The following CTNNA3 variants were observed in gnomAD, a reference collection of about 807,000 sequenced individuals.
CTNNA3 encodes the protein catenin alpha-3.
In CTNNA3, 76 loss-of-function variants were observed where a neutral mutation model predicts 95.7. The observed-to-expected ratio is 0.79, with a 90% CI of 0.66 to 0.96. The LOEUF (loss-of-function observed/expected upper bound fraction) is 0.96. Among genes scored for constraint, CTNNA3 ranks in the 40% least tolerant of loss-of-function variants. The probability of loss-of-function intolerance (pLI) is 0.00; values close to 1 mark genes in which losing one functional copy is unlikely to be tolerated. For synonymous variants in CTNNA3, 431 were observed against 374.4 expected, an observed-to-expected ratio of 1.15 and a Z score of -1.74; for missense variants, 1,191 against 1,089.8, an observed-to-expected ratio of 1.09 and a Z score of -1.31.
intron 1 of CTNNA3, among the ~76,000 whole-genome samples, chr10:67,758,619 T>A (rs953922849): frequency 1.3e-5 from 2 of 152,088 alleles, no homozygotes; most frequent in Non-Finnish European, 2.9e-5. Context: ...AAATTGTCCA[T>A]TTCAGTTGCC....
chr10:66,251,882 G>C (rs775440402), intron 13 of CTNNA3, among the ~76,000 whole-genome samples: 1 of 152,170 alleles, frequency 6.6e-6, no homozygotes, highest in African/African-American at 2.4e-5. Flanking sequence ...TTTTGCAAAT[G>C]AGGAAACACT....
chr10:66,765,176 G>A (rs972419736), intron 9 of CTNNA3, among the ~76,000 whole-genome samples: 12 of 152,216 alleles, frequency 7.9e-5, no homozygotes, highest in East Asian at 1.9e-4. Flanking sequence ...AGTTTATAGC[G>A]CAAATGCTAG....
intron 15 of CTNNA3, among the ~76,000 whole-genome samples, chr10:66,011,943 C>T (rs1413959222): frequency 1.3e-5 from 2 of 152,282 alleles, no homozygotes; most frequent in Non-Finnish European, 2.9e-5. Flanking sequence ...GGCTGGGGCC[C>T]TGCTGTCTGC....
intron 13 of CTNNA3, among the ~76,000 whole-genome samples, chr10:66,184,815 C>T (rs138310863): frequency 1.3e-5 from 2 of 152,098 alleles, no homozygotes; most frequent in Non-Finnish European, 2.9e-5. Context: ...CTCTTTATTC[C>T]TACTAATGCA....
chr10:67,682,336 A>T (rs899520060), intron 1 of CTNNA3, among the ~76,000 whole-genome samples: 1 of 152,026 alleles, frequency 6.6e-6, no homozygotes, highest in Non-Finnish European at 1.5e-5. Flanking sequence ...CAAAAAAAAA[A>T]AAAGACTCAA....
rs1034977258 is a variant in CTNNA3 at position 66,640,228 on chromosome 10, T to C, written c.1282-18444A>G. ...GCTCTGGCCATATCTCCTCTTCATATTGGATACATCCATCTTTCAGCTGCT... is the reference window on the plus strand; with the variant it reads ...GCTCTGGCCATATCTCCTCTTCATACTGGATACATCCATCTTTCAGCTGCT... On this transcript the variant is annotated intron_variant, in intron 9 of 17. Coordinates refer to ENST00000433211, the MANE Select transcript of CTNNA3 (RefSeq NM_013266.4). 2.6e-5 allele frequency among the ~76,000 whole-genome samples: 4 copies of C among 152,148 alleles called. 1 individual carries two copies. The highest frequency in any genetic ancestry group is 4.4e-5 in the Non-Finnish European group (3 of 68,024).
At chr10:65,959,834 T>A (rs1165767407) in intron 17 of CTNNA3, among the ~76,000 whole-genome samples, 1 of 152,116 alleles carries the variant, frequency 6.6e-6, no homozygotes, top group African/African-American at 2.4e-5. Flanking sequence ...CTTTATTTGA[T>A]AAAGGATAGC....
At chr10:67,066,813 T>C (rs1010555835) in intron 7 of CTNNA3, among the ~76,000 whole-genome samples, 1 of 152,236 alleles carries the variant, frequency 6.6e-6, no homozygotes, top group Non-Finnish European at 1.5e-5. Flanking sequence ...TAGCTTACCA[T>C]CTAGCAGAAG....
At chr10:66,171,258 C>T (rs535756791) in intron 13 of CTNNA3, among the ~76,000 whole-genome samples, 24 of 150,830 alleles carry the variant, frequency 1.6e-4, no homozygotes, top group Non-Finnish European at 3.0e-4. Flanking sequence ...ACTAACTATG[C>T]TAGCCTTTAT....
At chr10:67,666,016 G>A (rs1401618282) in intron 1 of CTNNA3, among the ~76,000 whole-genome samples, 1 of 152,122 alleles carries the variant, frequency 6.6e-6, no homozygotes, top group African/African-American at 2.4e-5. Flanking sequence ...GAATATGCCT[G>A]TTATTTTTAA....
intron 7 of CTNNA3, among the ~76,000 whole-genome samples, chr10:66,789,261 C>T (rs1840873276): frequency 6.6e-6 from 1 of 152,122 alleles, no homozygotes; most frequent in Admixed American, 6.5e-5. Flanking sequence ...ACTGCAACCT[C>T]TGCCTCCTGG....
intron 9 of CTNNA3, among the ~76,000 whole-genome samples, chr10:66,742,230 T>C (rs1488384960): frequency 1.3e-5 from 2 of 152,172 alleles, no homozygotes; most frequent in Non-Finnish European, 2.9e-5. Flanking sequence ...CTGTCTTTTA[T>C]GGTCGTAGCT....
intron 11 of CTNNA3, among the ~76,000 whole-genome samples, chr10:66,460,464 G>A (rs896638646): frequency 9.9e-5 from 15 of 152,254 alleles, no homozygotes; most frequent in African/African-American, 3.4e-4. Context: ...AGTTATATTG[G>A]TTTAGACTTC....
intron 7 of CTNNA3, among the ~76,000 whole-genome samples, chr10:66,865,911 G>A (rs1056374108): frequency 7.2e-5 from 11 of 151,770 alleles, no homozygotes; most frequent in South Asian, 6.2e-4. Context: ...TAAAATTTAC[G>A]TTTTGCTTTT....
chr10:67,648,654 C>T, intron 1 of CTNNA3: 1 of 970,276 alleles, frequency 1.0e-6, no homozygotes, highest in Non-Finnish European at 1.4e-6. Flanking sequence ...TGAGTTTCTT[C>T]TCAAATCAAA....
intron 5 of CTNNA3, among the ~76,000 whole-genome samples, chr10:67,284,656 A>G (rs985117583): frequency 1.3e-5 from 2 of 152,208 alleles, no homozygotes; most frequent in East Asian, 1.9e-4. Flanking sequence ...ATCTAAGCCA[A>G]TTGATGGCTA....
At chr10:66,381,673 T>C (rs551866971) in intron 11 of CTNNA3, among the ~76,000 whole-genome samples, 2 of 152,310 alleles carry the variant, frequency 1.3e-5, no homozygotes, top group African/African-American at 2.4e-5. Context: ...TTAACCCATA[T>C]TAAGGACATT....
At chr10:66,233,185 A>T (rs1023658305) in intron 13 of CTNNA3, among the ~76,000 whole-genome samples, 2 of 111,394 alleles carry the variant, frequency 1.8e-5, no homozygotes, top group Admixed American at 9.9e-5. Flanking sequence ...AAAAAAAAAA[A>T]AAAAAATTTC....
chr10:67,388,316 G>A (rs1844289804), intron 5 of CTNNA3, among the ~76,000 whole-genome samples: 2 of 139,984 alleles, frequency 1.4e-5, no homozygotes, highest in South Asian at 5.1e-4. Flanking sequence ...ATCAGCAATG[G>A]AAGATGAAAT....
Sources: gnomAD v4.1 joint callset for allele counts (sites outside exome capture counted in the v4.1 genomes callset) on GRCh38, gnomAD v4.1.1 for gene constraint, MANE v1.5 for transcripts, NCBI Gene and HGNC (gene_info 2026-07-23, HGNC 2026-07-21) for gene names.